Variants in ACTR1A observed in about 807,000 individuals in gnomAD.
The protein encoded by ACTR1A is alpha-centractin.
A neutral mutation model predicts 50.7 loss-of-function variants in ACTR1A; 10 were observed. That is an observed-to-expected ratio of 0.20 (90% CI 0.12 to 0.33). The LOEUF (loss-of-function observed/expected upper bound fraction) is 0.33. ACTR1A is among the 10% of genes least tolerant of loss of function. The pLI is 1.00. For missense variants in ACTR1A, 253 were observed against 491.7 expected (o/e 0.51, Z 4.59); for synonymous variants, 177 against 184.2 (o/e 0.96, Z 0.32).
At chr10:102,491,536 A>G (rs2062194361) in intron 1 of ACTR1A, among the ~76,000 whole-genome samples, 1 of 152,090 alleles carries the variant, frequency 6.6e-6, no homozygotes, top group Admixed American at 6.6e-5. Flanking sequence ...TGGTCTCCTG[A>G]TGGTAAAGAG....
chr10:102,490,724 G>T, intron 1 of ACTR1A, 111 bp from the exon 2 acceptor site: 2 of 851,804 alleles, frequency 2.3e-6, no homozygotes, highest in Non-Finnish European at 1.8e-6. Context: ...CGGGCGCAGT[G>T]GCTCACACTT....
In ACTR1A at chr10:102,480,785, T is replaced by C; in HGVS notation, c.*78A>G. On this transcript the variant is annotated 3_prime_UTR_variant, in exon 11 of 11. Transcript: ENST00000369905. ...CACGCACTCACACACAGGCAGTTCC[T>C]CGCAAACACTCCGACTCAAGAAAGC... 1.6e-6 allele frequency: 2 copies of C among 1,213,916 alleles called. No homozygotes were observed. The highest frequency in any genetic ancestry group is 2.4e-6 in the Non-Finnish European group (2 of 817,946). The allele number at this position is 1,213,916 out of a possible 1,614,324, so 75.2% of individuals were successfully genotyped here. A position where few individuals can be genotyped will look rare whatever the true frequency, so the allele number is the denominator to read the frequency against.
At chr10:102,494,904 G>C (rs2062213033) in intron 1 of ACTR1A, among the ~76,000 whole-genome samples, 1 of 152,138 alleles carries the variant, frequency 6.6e-6, no homozygotes, top group African/African-American at 2.4e-5. Flanking sequence ...TCCGCCTCCT[G>C]GATTTAAGCG....
intron 1 of ACTR1A, among the ~76,000 whole-genome samples, chr10:102,500,964 G>C (rs1293870573): frequency 2.0e-5 from 3 of 151,432 alleles, no homozygotes; most frequent in Admixed American, 6.6e-5. Context: ...CCAGCTACTC[G>C]GGAGGCTTAA....
intron 8 of ACTR1A, 22 bp downstream of exon 8, chr10:102,481,979 G>C (rs2062145092): frequency 1.9e-6 from 3 of 1,613,884 alleles, no homozygotes; most frequent in Non-Finnish European, 2.5e-6. Flanking sequence ...CCAGGGGAAG[G>C]GCTCCAAGAG....
rs762300756 is a variant in ACTR1A at position 102,488,208 on chromosome 10, A to G, written c.257T>C (p.Met86Thr). 2 of 1,614,100 alleles carry G rather than the reference A, an allele frequency of 1.2e-6. No homozygotes were observed. Among genetic ancestry groups the G allele is most frequent in the South Asian group, 1.1e-5 (1 of 91,084 alleles). ...EHGIVKDWND[M>T]ERIWQYVYSK... ...ATAGACATATTGCCAAATGCGTTCC[A>G]TGTCGTTCCAATCCTTGACGATGCC... Residue 86 changes from methionine to threonine, a missense_variant, in exon 4 of 11, where the codon ATG becomes ACG. Transcript: ENST00000369905. This position sits in a 1 kb window ranked among gnomAD's most constrained non-coding sequence, Gnocchi z 4.4.
intron 1 of ACTR1A, among the ~76,000 whole-genome samples, chr10:102,498,554 C>T (rs2062233218): frequency 6.6e-6 from 1 of 151,968 alleles, no homozygotes; most frequent in South Asian, 2.1e-4. Flanking sequence ...CACGATCTCA[C>T]TGCAGCCTCA....
chr10:102,484,407 A>T (rs1222722200), intron 5 of ACTR1A, 31 bp from the exon 6 acceptor site: 1 of 1,560,752 alleles, frequency 6.4e-7, no homozygotes, highest in Admixed American at 1.7e-5. Flanking sequence ...GTCACTCAGC[A>T]CTGCCTCCTC....
At chr10:102,499,865 C>T (rs553557126) in intron 1 of ACTR1A, among the ~76,000 whole-genome samples, 1 of 152,258 alleles carries the variant, frequency 6.6e-6, no homozygotes, top group African/African-American at 2.4e-5. Flanking sequence ...CCCATCTTTT[C>T]TTTATTTAGG....
At chr10:102,486,102 G>A (rs1260387321) in intron 4 of ACTR1A, among the ~76,000 whole-genome samples, 1 of 152,102 alleles carries the variant, frequency 6.6e-6, no homozygotes, top group Non-Finnish European at 1.5e-5. Context: ...GAACCAGGCT[G>A]CACAGCAGGA....
chr10:102,480,596 A>C lies in ACTR1A; in HGVS notation c.*267T>G. 1 of 506,776 alleles carries C rather than the reference A, an allele frequency of 2.0e-6. No homozygotes were observed. Among genetic ancestry groups the C allele is most frequent in the African/African-American group, 1.9e-5 (1 of 51,980 alleles). 31.4% of individuals were successfully genotyped at this position (506,776 alleles called of 1,614,324 possible). ...CCCACAGCCAGCCAGAGGCCACCTG[A>C]GGAGGGAGCACAGCCTCTGCCAGCG... On this transcript the variant is annotated 3_prime_UTR_variant, in exon 11 of 11. Coordinates refer to ENST00000369905, the MANE Select transcript of ACTR1A (RefSeq NM_005736.4).
Position 102,479,339 on chromosome 10 carries a change from T to C in ACTR1A, c.*1524A>G. On this transcript the variant is annotated 3_prime_UTR_variant, in exon 11 of 11. Coordinates refer to ENST00000369905, the MANE Select transcript of ACTR1A (RefSeq NM_005736.4). This position sits in a 1 kb window ranked among gnomAD's most constrained non-coding sequence, Gnocchi z 4.0. ...CTTGGGCTAAGAGAAGGGAGGTGAGTTGGTTAAGCGCACTGCAGTCCGCGG... is the reference window on the plus strand; with the variant it reads ...CTTGGGCTAAGAGAAGGGAGGTGAGCTGGTTAAGCGCACTGCAGTCCGCGG... 6 of 383,000 alleles carry C rather than the reference T, an allele frequency of 1.6e-5. No individual in the cohort carries two copies. Among genetic ancestry groups the C allele is most frequent in the South Asian group, 1.2e-4 (6 of 50,132 alleles). 23.7% of individuals were successfully genotyped at this position (383,000 alleles called of 1,614,324 possible).
At chr10:102,499,763 C>A (rs1203310088) in intron 1 of ACTR1A, among the ~76,000 whole-genome samples, 2 of 152,166 alleles carry the variant, frequency 1.3e-5, no homozygotes, top group Admixed American at 1.3e-4. Context: ...AAGAGCCTGG[C>A]TAAAGACAGA....
At chr10:102,502,099 G>T (rs1399494208) in intron 1 of ACTR1A, among the ~76,000 whole-genome samples, 1 of 152,200 alleles carries the variant, frequency 6.6e-6, no homozygotes, top group Non-Finnish European at 1.5e-5. Context: ...CCACCACCCA[G>T]AGTCCCGGAA....
At chr10:102,485,205 A>G (rs1365018078) in intron 5 of ACTR1A, among the ~76,000 whole-genome samples, 1 of 152,178 alleles carries the variant, frequency 6.6e-6, no homozygotes, top group African/African-American at 2.4e-5. Flanking sequence ...GATGGGAACA[A>G]GGACTGTGGT....
intron 1 of ACTR1A, among the ~76,000 whole-genome samples, chr10:102,499,889 C>G (rs2062239157): frequency 6.6e-6 from 1 of 152,158 alleles, no homozygotes; most frequent in African/African-American, 2.4e-5. Context: ...ATCTTTGTTA[C>G]TTTGATAGAG....
chr10:102,497,125 G>C (rs1375634305), intron 1 of ACTR1A, among the ~76,000 whole-genome samples: 1 of 142,746 alleles, frequency 7.0e-6, no homozygotes, highest in African/African-American at 2.6e-5. Flanking sequence ...GTTGCAGTGA[G>C]CATCACTGCA....
chr10:102,500,840 A>T (rs914013355), intron 1 of ACTR1A, among the ~76,000 whole-genome samples: 1 of 152,150 alleles, frequency 6.6e-6, no homozygotes, highest in African/African-American at 2.4e-5. Context: ...TGGGAGGCCA[A>T]GGTAGGAGAA....
In ACTR1A at chr10:102,489,146, A is replaced by C. The variant is rs1335759621; in HGVS notation, c.114-8T>G. The stretch of plus-strand genomic sequence containing the variant: ...TGCTTGGGTCGGCCCACACTAGAAA[A>C]GACAGTGAGGAGGACCATCATTTTT... On this transcript the variant is annotated splice_polypyrimidine_tract_variant and splice_region_variant and intron_variant, in intron 2 of 10. Coordinates refer to ENST00000369905, the MANE Select transcript of ACTR1A (RefSeq NM_005736.4). 7 of 1,557,934 alleles carry C rather than the reference A, an allele frequency of 4.5e-6. No homozygotes were observed. The highest frequency in any genetic ancestry group is 4.3e-6 in the Non-Finnish European group (5 of 1,151,608).
Sources: gnomAD v4.1 joint callset for allele counts (sites outside exome capture counted in the v4.1 genomes callset) on GRCh38, gnomAD v4.1.1 for gene constraint, Gnocchi (gnomAD v3.1) non-coding constraint, MANE v1.5 for transcripts, NCBI Gene and HGNC (gene_info 2026-07-23, HGNC 2026-07-21) for gene names.